The following ARHGEF10 variants were observed in gnomAD, a reference collection of about 807,000 sequenced individuals.
ARHGEF10 encodes Rho guanine nucleotide exchange factor 10, also known as Rho guanine nucleotide exchange factor (GEF) 10.
A neutral mutation model predicts 147.4 loss-of-function variants in ARHGEF10; 140 were observed. The ratio of observed to expected loss-of-function variants is 0.95; its 90% CI spans 0.83 to 1.09. The LOEUF is 1.09. ARHGEF10 is among the 50% of genes least tolerant of loss of function. The probability of loss-of-function intolerance (pLI) is 0.00; values close to 1 mark genes in which losing one functional copy is unlikely to be tolerated. For synonymous variants in ARHGEF10, 902 were observed against 695.8 expected (o/e 1.30, Z -4.67); for missense variants, 2,222 against 1,752.7 (o/e 1.27, Z -4.78).
chr8:1,939,504 A>G (rs1813904286), intron 26 of ARHGEF10, among the ~76,000 whole-genome samples: 1 of 152,214 alleles, frequency 6.6e-6, no homozygotes, highest in South Asian at 2.1e-4. Context: ...GTGAGCCGAA[A>G]TCCAGGGGCA....
At chr8:1,904,536 T>A (rs1810730363) in intron 16 of ARHGEF10, among the ~76,000 whole-genome samples, 1 of 152,208 alleles carries the variant, frequency 6.6e-6, no homozygotes, top group Non-Finnish European at 1.5e-5. Flanking sequence ...CAAATTGTAT[T>A]CAGTTATATT....
At chr8:1,869,575 G>C (rs1045014063) in intron 7 of ARHGEF10, 2 of 455,366 alleles carry the variant, frequency 4.4e-6, no homozygotes, top group Non-Finnish European at 8.1e-6. Flanking sequence ...ACATCAGTGA[G>C]AAAGTAGAGA....
intron 9 of ARHGEF10, 133 bp downstream of exon 9, chr8:1,880,297 C>A: frequency 1.4e-6 from 1 of 698,238 alleles, no homozygotes; most frequent in South Asian, 1.5e-5. Flanking sequence ...AATCCCCCGA[C>A]GCTTTGGGGC....
Position 1,925,362 on chromosome 8 carries a change from C to G in ARHGEF10, c.2568C>G (p.Val856=). ...HIKKEKHPLL[V]GHMPVMVAKQ... is the part of the protein sequence containing the mutation. ...AAAAGGAGAAGCATCCTCTCCTCGT[C>G]GGACACATGCCCGTGATGGTGGCCA... Residue 856 remains valine (V), a synonymous_variant, in exon 22 of 29, where the codon GTC becomes GTG. Transcript: ENST00000349830. 1.2e-6 allele frequency: 2 copies of G among 1,614,178 alleles called. No homozygotes were observed. Among genetic ancestry groups the G allele is most frequent in the South Asian group, 2.2e-5 (2 of 91,086 alleles).
intron 1 of ARHGEF10, among the ~76,000 whole-genome samples, chr8:1,837,582 G>A (rs1480909731): frequency 6.6e-6 from 1 of 152,234 alleles, no homozygotes; most frequent in East Asian, 1.9e-4. Flanking sequence ...GACACACAAA[G>A]CCACGTGGCT....
chr8:1,936,688 G>A (rs757421725), intron 26 of ARHGEF10, among the ~76,000 whole-genome samples: 29 of 152,206 alleles, frequency 1.9e-4, no homozygotes, highest in Non-Finnish European at 4.1e-4. Context: ...CTAGACCATC[G>A]TTAGGAGGGA....
At chr8:1,882,608 G>T in intron 9 of ARHGEF10, 27 bp from the exon 10 acceptor site, 1 of 1,543,434 alleles carries the variant, frequency 6.5e-7, no homozygotes, top group Non-Finnish European at 8.8e-7. Flanking sequence ...CCGCCGTCCC[G>T]TTCTCACATC....
At chr8:1,841,437 A>T (rs1458168670) in intron 1 of ARHGEF10, among the ~76,000 whole-genome samples, 1 of 152,110 alleles carries the variant, frequency 6.6e-6, no homozygotes, top group African/African-American at 2.4e-5. Context: ...AATTCTCATT[A>T]GTTTATGGAA....
intron 2 of ARHGEF10, among the ~76,000 whole-genome samples, chr8:1,857,422 C>CTTTT (rs60823878): frequency 7.3e-6 from 1 of 137,378 alleles, no homozygotes; most frequent in Non-Finnish European, 1.6e-5. Context: ...GTTTTCTTTT[C>CTTTT]TTTTTTTTTT....
chr8:1,871,145 A>G (rs1807087092), intron 7 of ARHGEF10: 1 of 148,956 alleles, frequency 6.7e-6, no homozygotes, highest in Non-Finnish European at 1.5e-5. Context: ...TCAGTAAACC[A>G]TAAAAGATTA....
chr8:1,884,940 T>C (rs934125474), intron 10 of ARHGEF10, among the ~76,000 whole-genome samples: 9 of 152,236 alleles, frequency 5.9e-5, no homozygotes, highest in Admixed American at 3.3e-4. Flanking sequence ...AATTTTTAAA[T>C]TTTTTGTAGA....
rs540162014 is a variant in ARHGEF10 at position 1,957,706 on chromosome 8, A to C, written c.*443A>C. The C allele has an allele frequency of 6.1e-6, 1 of 163,724 alleles. No individual in the cohort carries two copies. The highest frequency in any genetic ancestry group is 1.8e-4 in the East Asian group (1 of 5,472). The allele number at this position is 163,724 out of a possible 1,614,324, so 10.1% of individuals were successfully genotyped here. The stretch of plus-strand genomic sequence containing the variant: ...TTCTTAAAAGTTTTACCTGATTCAG[A>C]TTCACGACTTTTATTTATATTCTAT... On this transcript the variant is annotated 3_prime_UTR_variant, in exon 29 of 29. Transcript: ENST00000349830.
At chr8:1,856,332 G>A (rs1462646025) in intron 2 of ARHGEF10, among the ~76,000 whole-genome samples, 1 of 152,216 alleles carries the variant, frequency 6.6e-6, no homozygotes, top group Non-Finnish European at 1.5e-5. Context: ...GTCCCCAGGT[G>A]TCATGGTCAG....
chr8:1,920,841 A>G (rs1174369967), intron 18 of ARHGEF10, among the ~76,000 whole-genome samples: 1 of 150,946 alleles, frequency 6.6e-6, no homozygotes, highest in Admixed American at 6.6e-5. Flanking sequence ...CTGGAGTGCA[A>G]TGGCATGATC....
intron 18 of ARHGEF10, among the ~76,000 whole-genome samples, chr8:1,919,712 T>C (rs1409392840): frequency 6.7e-6 from 1 of 149,858 alleles, no homozygotes; most frequent in Non-Finnish European, 1.5e-5. Flanking sequence ...GATGGAGCTG[T>C]TCTGTCAGTG....
intron 1 of ARHGEF10, among the ~76,000 whole-genome samples, chr8:1,835,342 G>T (rs1347568228): frequency 6.6e-6 from 1 of 152,204 alleles, no homozygotes; most frequent in Non-Finnish European, 1.5e-5. Flanking sequence ...CCTGTGAGTC[G>T]GTGCCGTCCC....
intron 27 of ARHGEF10, among the ~76,000 whole-genome samples, chr8:1,949,579 G>A (rs1424243189): frequency 1.3e-5 from 2 of 152,130 alleles, no homozygotes; most frequent in Non-Finnish European, 2.9e-5. Flanking sequence ...TGAGACACAT[G>A]GTAAATTGCG....
chr8:1,898,363 G>C, intron 14 of ARHGEF10, 70 bp from the exon 15 acceptor site: 1 of 1,355,142 alleles, frequency 7.4e-7, no homozygotes, highest in Admixed American at 1.7e-5. Flanking sequence ...TGGTGGGGAG[G>C]AGGCGGCCCC....
At chr8:1,956,649 C>T (rs1225818908) in intron 28 of ARHGEF10, 100 bp from the exon 29 acceptor site, 2 of 1,264,356 alleles carry the variant, frequency 1.6e-6, no homozygotes, top group African/African-American at 2.9e-5. Context: ...GTTATTTGGG[C>T]AGGGAGGAAT....
Sources: allele counts gnomAD v4.1 joint callset (sites outside exome capture counted in the v4.1 genomes callset), GRCh38; gene constraint gnomAD v4.1.1; transcripts MANE v1.5; gene names NCBI Gene and HGNC (gene_info 2026-07-23, HGNC 2026-07-21).